Variants in SLC22A3 observed in about 807,000 individuals in gnomAD.
SLC22A3 encodes the protein solute carrier family 22 member 3.
SLC22A3 carries 51 observed loss-of-function variants against 59.1 expected under a neutral mutation model. The ratio of observed to expected loss-of-function variants is 0.86; its 90% CI spans 0.69 to 1.09. The LOEUF (loss-of-function observed/expected upper bound fraction) is 1.09, where lower values mean the gene tolerates loss of function less well. Among genes scored for constraint, SLC22A3 ranks in the 50% least tolerant of loss-of-function variants. The pLI is 0.00. For synonymous variants in SLC22A3, 325 were observed against 292.0 expected, an observed-to-expected ratio of 1.11 and a Z score of -1.15; for missense variants, 711 against 726.3, an observed-to-expected ratio of 0.98 and a Z score of 0.24.
intron 4 of SLC22A3, among the ~76,000 whole-genome samples, chr6:160,409,712 T>C (rs1270698358): frequency 2.0e-5 from 3 of 152,156 alleles, no homozygotes; most frequent in African/African-American, 7.2e-5. Flanking sequence ...TTAAAGAGAG[T>C]ATTTGTTGAT....
intron 5 of SLC22A3, among the ~76,000 whole-genome samples, chr6:160,429,541 C>T (rs1257018622): frequency 6.6e-6 from 1 of 152,068 alleles, no homozygotes; most frequent in Non-Finnish European, 1.5e-5. Flanking sequence ...GGGAGTGAGC[C>T]GATGAGGTGG....
At chr6:160,446,739 AAAAGT>A (rs1788759796) in intron 9 of SLC22A3, among the ~76,000 whole-genome samples, 1 of 152,264 alleles carries the variant, frequency 6.6e-6, no homozygotes, top group South Asian at 2.1e-4. Flanking sequence ...GATATCATCA[AAAAGT>A]AAAGAATATG....
intron 1 of SLC22A3, among the ~76,000 whole-genome samples, chr6:160,365,027 T>C (rs180824017): frequency 6.6e-6 from 1 of 152,238 alleles, no homozygotes; most frequent in Admixed American, 6.5e-5. Flanking sequence ...ATTTACATAG[T>C]AAAATCAATA....
At chr6:160,406,321 C>T (rs775502780) in intron 2 of SLC22A3, among the ~76,000 whole-genome samples, 11 of 152,142 alleles carry the variant, frequency 7.2e-5, no homozygotes, top group Non-Finnish European at 1.3e-4. Flanking sequence ...TCTTAATGGA[C>T]ATTGATAGCA....
At chr6:160,425,799 A>G in intron 5 of SLC22A3, 1 of 984,698 alleles carries the variant, frequency 1.0e-6, no homozygotes, top group Non-Finnish European at 1.2e-6. Context: ...TGATAAATCA[A>G]GTCACCGTTC....
chr6:160,362,415 ACT>A (rs918395045), intron 1 of SLC22A3, among the ~76,000 whole-genome samples: 1 of 152,094 alleles, frequency 6.6e-6, no homozygotes, highest in Admixed American at 6.5e-5. Context: ...CCTCTGCGAG[ACT>A]CTGCTCTGGC....
chr6:160,408,305 G>A (rs2114854452), intron 3 of SLC22A3, among the ~76,000 whole-genome samples: 1 of 152,238 alleles, frequency 6.6e-6, no homozygotes, highest in Non-Finnish European at 1.5e-5. Flanking sequence ...AAAAGTCTTT[G>A]TAGAGTCTTA....
At chr6:160,383,630 A>G (rs1785880186) in intron 1 of SLC22A3, among the ~76,000 whole-genome samples, 1 of 152,150 alleles carries the variant, frequency 6.6e-6, no homozygotes, top group East Asian at 1.9e-4. Context: ...AATGGATAAA[A>G]CGCAAATGTG....
At chr6:160,447,185 G>A (rs965947162) in intron 9 of SLC22A3, among the ~76,000 whole-genome samples, 3 of 152,190 alleles carry the variant, frequency 2.0e-5, no homozygotes, top group Non-Finnish European at 4.4e-5. Context: ...GTCTGAATGT[G>A]TTTGAAAGCT....
intron 1 of SLC22A3, among the ~76,000 whole-genome samples, chr6:160,384,795 G>A (rs1036761749): frequency 1.3e-5 from 2 of 152,130 alleles, no homozygotes; most frequent in Admixed American, 6.5e-5. Flanking sequence ...CCACCCAGGG[G>A]AAGCCATCTC....
chr6:160,408,791 G>A lies in SLC22A3; in HGVS notation c.727G>A (p.Gly243Arg), dbSNP rs1466939744. 1 of 1,613,634 alleles carries A rather than the reference G, an allele frequency of 6.2e-7. No individual in the cohort carries two copies. The highest frequency in any genetic ancestry group is 8.5e-7 in the Non-Finnish European group (1 of 1,179,766). Residue 243 changes from glycine (G) to arginine (R), a missense_variant, in exon 4 of 11, where the codon GGA becomes AGA. Coordinates refer to ENST00000275300, the MANE Select transcript of SLC22A3 (RefSeq NM_021977.4). Reference protein sequence around the residue: ...IVGSKQRRIVGIVIQMFFTLG... With the variant: ...IVGSKQRRIVRIVIQMFFTLG... ...AGGTTCGAAACAAAGGAGGATTGTG[G>A]GAATCGTGATTCAAATGTTCTTTAC...
At chr6:160,355,588 C>T (rs567571066) in intron 1 of SLC22A3, among the ~76,000 whole-genome samples, 11 of 144,248 alleles carry the variant, frequency 7.6e-5, no homozygotes, top group South Asian at 4.5e-4. Flanking sequence ...GGTGAAACCC[C>T]GTCTCTACTA....
chr6:160,442,767 C>T lies in SLC22A3; in HGVS notation c.1295C>T (p.Ala432Val). 1.2e-6 allele frequency: 2 copies of T among 1,612,118 alleles called. No individual in the cohort carries two copies. Among genetic ancestry groups the T allele is most frequent in the Non-Finnish European group, 1.7e-6 (2 of 1,178,168 alleles). The change falls in exon 8 of 11, where the codon GCA becomes GTA. Residue 432 changes from alanine (A) to valine (V), a missense_variant. Physicochemically the swap from Ala to Val is moderately conservative, Grantham distance 64 (BLOSUM62 0). Transcript: ENST00000275300. ...LVTAFLPEGI[A>V]WLRTTVATLG... ...AAACTTTCTGTGTTTGCAGGAATAGCATGGTTGAGGACCACAGTGGCTACA... is the reference window on the plus strand; with the variant it reads ...AAACTTTCTGTGTTTGCAGGAATAGTATGGTTGAGGACCACAGTGGCTACA...
intron 5 of SLC22A3, 118 bp from the exon 6 acceptor site, chr6:160,436,662 T>G (rs746030278): frequency 4.9e-5 from 34 of 689,216 alleles, no homozygotes; most frequent in Non-Finnish European, 8.3e-5. Context: ...TTTAAGATAT[T>G]ATGAAAGCCC....
Position 160,348,676 on chromosome 6 carries a change from G to A in SLC22A3, c.257G>A (p.Arg86His), listed in dbSNP as rs1314262640. The A allele has an allele frequency of 3.3e-6, 5 of 1,506,312 alleles. No individual in the cohort carries two copies. The highest frequency in any genetic ancestry group is 4.4e-6 in the Non-Finnish European group (5 of 1,135,638). The allele number at this position is 1,506,312 out of a possible 1,614,324, so 93.3% of individuals were successfully genotyped here. ...TCCCGCGGCCCAGAGCCCCCCGAGC[G>A]CCGCGGCCGCTGCCAGCGCTACCTC... ...PASRGPEPPE[R>H]RGRCQRYLLE... Residue 86 changes from arginine (R) to histidine (H), a missense_variant, in exon 1 of 11, where the codon CGC (arginine) becomes CAC (histidine). Physicochemically the swap from Arg to His is conservative, Grantham distance 29. Coordinates refer to ENST00000275300, the MANE Select transcript of SLC22A3 (RefSeq NM_021977.4).
intron 5 of SLC22A3, among the ~76,000 whole-genome samples, chr6:160,412,915 T>C (rs1250259458): frequency 6.6e-6 from 1 of 150,992 alleles, no homozygotes; most frequent in African/African-American, 2.4e-5. Flanking sequence ...TATAGAAAAA[T>C]AGGATCATAG....
Position 160,396,835 on chromosome 6 carries a change from G to A in SLC22A3, c.430-1144G>A, listed in dbSNP as rs369001883. ...CAATATTTAGAGACTTATTGCCACAGGAAAATTTTAAAAATTAAATGTCAA... is the reference window on the plus strand; with the variant it reads ...CAATATTTAGAGACTTATTGCCACAAGAAAATTTTAAAAATTAAATGTCAA... On this transcript the variant is annotated intron_variant, in intron 1 of 10. Coordinates refer to ENST00000275300, the MANE Select transcript of SLC22A3 (RefSeq NM_021977.4). 2.6e-5 allele frequency among the ~76,000 whole-genome samples: 4 copies of A among 151,908 alleles called. No individual in the cohort carries two copies. In the South Asian group the frequency reaches 6.2e-4, roughly 24 times the overall value.
At chr6:160,364,000 C>G (rs1241117272) in intron 1 of SLC22A3, among the ~76,000 whole-genome samples, 1 of 151,966 alleles carries the variant, frequency 6.6e-6, no homozygotes, top group Admixed American at 6.5e-5. Flanking sequence ...GTCACCCTAA[C>G]TGACCCACAA....
chr6:160,402,741 A>G (rs1167395252), intron 2 of SLC22A3, among the ~76,000 whole-genome samples: 2 of 151,870 alleles, frequency 1.3e-5, no homozygotes, highest in African/African-American at 2.4e-5. Flanking sequence ...TCATAACAGA[A>G]GGATAGATGG....
Sources: gnomAD v4.1 joint callset for allele counts (sites outside exome capture counted in the v4.1 genomes callset) on GRCh38, gnomAD v4.1.1 for gene constraint, MANE v1.5 for transcripts, NCBI Gene and HGNC (gene_info 2026-07-23, HGNC 2026-07-21) for gene names.